The following SMYD3 variants were observed in gnomAD, a reference collection of about 807,000 sequenced individuals.
SMYD3 encodes SET and MYND domain containing 3, also known as histone-lysine N-methyltransferase SMYD3.
In SMYD3, 36 loss-of-function variants were observed where a neutral mutation model predicts 57.7. The ratio of observed to expected loss-of-function variants is 0.62; its 90% CI spans 0.48 to 0.82. The LOEUF is 0.82. SMYD3 is among the 40% of genes least tolerant of loss of function. The probability of loss-of-function intolerance (pLI) is 0.00; values close to 1 mark genes in which losing one functional copy is unlikely to be tolerated. For synonymous variants in SMYD3, 211 were observed against 195.0 expected (o/e 1.08, Z -0.68); for missense variants, 515 against 538.8 (o/e 0.96, Z 0.44).
In SMYD3 at chr1:246,063,346, C is replaced by A. The variant is rs562418205; in HGVS notation, c.532-133409G>T. Among the ~76,000 whole-genome samples the A allele has an allele frequency of 6.5e-4, 99 of 152,250 alleles. 2 individuals are homozygous for A. Among genetic ancestry groups the A allele is most frequent in the African/African-American group, 2.2e-3 (92 of 41,554 alleles). The stretch of plus-strand genomic sequence containing the variant: ...CCCAGGGTCTTTATTGGAGTTCAAT[C>A]GCCTGTAGGCAGCCTCTAATTTTGG... On this transcript the variant is annotated intron_variant, in intron 5 of 11. Coordinates refer to ENST00000490107, the MANE Select transcript of SMYD3 (RefSeq NM_001167740.2).
intron 5 of SMYD3, among the ~76,000 whole-genome samples, chr1:246,159,844 C>T (rs889194871): frequency 2.0e-5 from 3 of 151,924 alleles, no homozygotes; most frequent in Admixed American, 2.0e-4. Context: ...TTTCTCCACA[C>T]CACCTCCCAG....
At chr1:246,499,185 TC>T (rs59178609) in intron 1 of SMYD3, among the ~76,000 whole-genome samples, 6,874 of 151,508 alleles carry the variant, frequency 0.045, 504 homozygotes, top group African/African-American at 0.16. Context: ...GGGCCTATAG[TC>T]CCAGCTATTC....
intron 10 of SMYD3, among the ~76,000 whole-genome samples, chr1:245,783,528 T>C (rs1317297): frequency 0.095 from 14,352 of 151,542 alleles, 798 homozygotes; most frequent in Admixed American, 0.16. Context: ...TTGAACATAA[T>C]AGTGGAAGTA....
At chr1:246,016,237 T>TAAAA (rs539956616) in intron 5 of SMYD3, among the ~76,000 whole-genome samples, 1 of 132,428 alleles carries the variant, frequency 7.6e-6, no homozygotes, top group Non-Finnish European at 1.6e-5. Flanking sequence ...CCCCATCACT[T>TAAAA]AAAAAAAAAA....
intron 5 of SMYD3, among the ~76,000 whole-genome samples, chr1:246,208,316 C>T (rs548139115): frequency 2.9e-4 from 44 of 152,098 alleles, no homozygotes; most frequent in African/African-American, 1.0e-3. Flanking sequence ...AAGTGCATTA[C>T]GAGGAGCTGA....
chr1:245,800,420 A>G (rs188891005), intron 10 of SMYD3, among the ~76,000 whole-genome samples: 1 of 151,966 alleles, frequency 6.6e-6, no homozygotes, highest in East Asian at 1.9e-4. Flanking sequence ...AGGGTTATAT[A>G]TGCTGGGTTT....
chr1:245,925,760 T>C (rs2056331292), intron 7 of SMYD3, among the ~76,000 whole-genome samples: 1 of 152,192 alleles, frequency 6.6e-6, no homozygotes, highest in South Asian at 2.1e-4. Flanking sequence ...CGATTGTCTG[T>C]CCTCATAAAG....
intron 8 of SMYD3, among the ~76,000 whole-genome samples, chr1:245,870,413 T>C (rs1216582781): frequency 6.6e-6 from 1 of 152,078 alleles, no homozygotes; most frequent in African/African-American, 2.4e-5. Context: ...CAAGGGTTAT[T>C]TGGGGAGTGG....
chr1:246,022,077 C>T (rs114076961), intron 5 of SMYD3, among the ~76,000 whole-genome samples: 2,687 of 152,228 alleles, frequency 0.018, 39 homozygotes, highest in African/African-American at 0.041. Context: ...TGTGGTCCTT[C>T]GTTAAACAAA....
chr1:245,946,940 T>C (rs2147923177), intron 5 of SMYD3, among the ~76,000 whole-genome samples: 1 of 152,312 alleles, frequency 6.6e-6, no homozygotes, highest in African/African-American at 2.4e-5. Flanking sequence ...CATATTTCTT[T>C]GTTAAGTCAC....
At chr1:245,800,985 T>C (rs2047832188) in intron 10 of SMYD3, among the ~76,000 whole-genome samples, 1 of 152,238 alleles carries the variant, frequency 6.6e-6, no homozygotes. Flanking sequence ...AGTAATTCTC[T>C]GCAAATTCTT....
intron 5 of SMYD3, among the ~76,000 whole-genome samples, chr1:245,940,890 A>G (rs1232178383): frequency 6.6e-6 from 1 of 152,200 alleles, no homozygotes; most frequent in Non-Finnish European, 1.5e-5. Context: ...AGTTTGTTCT[A>G]ACCCAATGCA....
chr1:246,063,839 T>C (rs6666367), intron 5 of SMYD3, among the ~76,000 whole-genome samples: 124,536 of 151,980 alleles, frequency 0.82, 51,560 homozygotes, highest in Admixed American at 0.89. Context: ...AGGGTTTTGC[T>C]ATGTTCCCTA....
At chr1:246,167,026 A>T (rs2062226176) in intron 5 of SMYD3, among the ~76,000 whole-genome samples, 1 of 152,196 alleles carries the variant, frequency 6.6e-6, no homozygotes, top group African/African-American at 2.4e-5. Flanking sequence ...ATACAAACGG[A>T]ATCACAGAGC....
At chr1:246,030,158 C>T (rs2059646229) in intron 5 of SMYD3, among the ~76,000 whole-genome samples, 1 of 152,118 alleles carries the variant, frequency 6.6e-6, no homozygotes, top group Non-Finnish European at 1.5e-5. Flanking sequence ...ATACAAGTAA[C>T]ACCACTCTAC....
chr1:246,344,274 T>TAC (rs1226432049), intron 2 of SMYD3, among the ~76,000 whole-genome samples: 1 of 152,194 alleles, frequency 6.6e-6, no homozygotes, highest in African/African-American at 2.4e-5. Flanking sequence ...TTGTGCCCCT[T>TAC]ACATTCAAGT....
chr1:245,766,817 G>A (rs1282645100), intron 10 of SMYD3, among the ~76,000 whole-genome samples: 7 of 152,204 alleles, frequency 4.6e-5, no homozygotes, highest in Non-Finnish European at 7.3e-5. Context: ...AGAAAGCGGT[G>A]TGTCATTACG....
intron 5 of SMYD3, among the ~76,000 whole-genome samples, chr1:245,987,829 G>A (rs1347968347): frequency 1.3e-5 from 2 of 152,314 alleles, no homozygotes; most frequent in Middle Eastern, 6.8e-3. Flanking sequence ...ATGGAAGACA[G>A]AACAGCTTCG....
intron 5 of SMYD3, among the ~76,000 whole-genome samples, chr1:246,153,479 C>T (rs185529919): frequency 3.3e-5 from 5 of 151,852 alleles, no homozygotes; most frequent in African/African-American, 4.8e-5. Flanking sequence ...TTTGATTGGC[C>T]GATTGCTTTT....
Sources: gnomAD v4.1 joint callset for allele counts (sites outside exome capture counted in the v4.1 genomes callset) on GRCh38, gnomAD v4.1.1 for gene constraint, MANE v1.5 for transcripts, NCBI Gene and HGNC (gene_info 2026-07-23, HGNC 2026-07-21) for gene names.